Variants in ACOT7 observed in about 807,000 individuals in gnomAD.
ACOT7 encodes cytosolic acyl coenzyme A thioester hydrolase.
Under a neutral mutation model 40.2 loss-of-function variants are expected in ACOT7, and 12 were observed. The observed-to-expected ratio is 0.30, with a 90% CI of 0.19 to 0.48. The LOEUF (loss-of-function observed/expected upper bound fraction) is 0.48. ACOT7 is among the 20% of genes least tolerant of loss of function. ACOT7 has a pLI of 0.99. For synonymous variants in ACOT7, 228 were observed against 219.5 expected (o/e 1.04, Z -0.34); for missense variants, 395 against 530.8 (o/e 0.74, Z 2.51).
rs569012434 is a variant in ACOT7, at chr1:6,354,489, T to C, written c.144-4623A>G. Among the ~76,000 whole-genome samples the C allele has an allele frequency of 2.0e-4, 31 of 152,358 alleles. 1 individual carries two copies. Among genetic ancestry groups the C allele is most frequent in the Admixed American group, 1.4e-3 (21 of 15,308 alleles). On this transcript the variant is annotated intron_variant, in intron 1 of 8. Transcript: ENST00000361521. ...TCCTGAGACAGGGACGCAGCTGTCA[T>C]GCAGGGCCTCAGGGCTGAGACAAAG...
At chr1:6,389,489 C>T (rs1642498639) in intron 1 of ACOT7, among the ~76,000 whole-genome samples, 1 of 152,062 alleles carries the variant, frequency 6.6e-6, no homozygotes, top group Non-Finnish European at 1.5e-5. Context: ...AATTTCTCTA[C>T]ATATTGCACT....
chr1:6,382,391 G>A (rs1382755153), intron 1 of ACOT7, among the ~76,000 whole-genome samples: 2 of 151,922 alleles, frequency 1.3e-5, no homozygotes, highest in Admixed American at 6.6e-5. Flanking sequence ...GCGACAGAGC[G>A]AGACTCTGTC....
intron 1 of ACOT7, among the ~76,000 whole-genome samples, chr1:6,370,144 C>T (rs999653077): frequency 1.3e-5 from 2 of 152,128 alleles, no homozygotes; most frequent in African/African-American, 4.8e-5. Flanking sequence ...TTAAAAGGAG[C>T]CTGGCACCTC....
intron 8 of ACOT7, among the ~76,000 whole-genome samples, chr1:6,276,993 C>A (rs879723631): frequency 1.2e-4 from 18 of 152,162 alleles, no homozygotes; most frequent in African/African-American, 4.1e-4. Flanking sequence ...TCTGACCACC[C>A]CCCCCCAGGG....
In ACOT7 at chr1:6,294,120, G is replaced by A. The variant is rs1353584085; in HGVS notation, c.829+744C>T. ...CTCAGAATCAGCACCAGGCCCTGAC[G>A]ATGCTGACACCACCCTCGGTCTGTG... On this transcript the variant is annotated intron_variant, in intron 7 of 8. Coordinates refer to ENST00000361521, the MANE Select transcript of ACOT7 (RefSeq NM_007274.4). This position sits in a 1 kb window ranked among gnomAD's most constrained non-coding sequence, Gnocchi z 4.6. Among the ~76,000 whole-genome samples the A allele has an allele frequency of 2.0e-5, 3 of 152,242 alleles. No individual in the cohort carries two copies. Among genetic ancestry groups the A allele is most frequent in the East Asian group, 1.9e-4 (1 of 5,204 alleles).
At position 6,387,936 on chromosome 1, in the gene ACOT7, T is replaced by G. The variant is rs574456758; in HGVS notation, c.143+5321A>C. On this transcript the variant is annotated intron_variant, in intron 1 of 8. Transcript: ENST00000361521. ...GGCTTCTGTAAATCAGGTTCTTTGT[T>G]TTTTTTTTTTTCTTTTTTTTTGAGA... Among the ~76,000 whole-genome samples, 6 of 148,416 alleles carry G rather than the reference T, an allele frequency of 4.0e-5. No individual in the cohort carries two copies. In the South Asian group the frequency reaches 6.4e-4, roughly 16 times the overall value.
rs991680133 is a variant in ACOT7, at chr1:6,264,368, C to T, written c.*229G>A. 69 of 518,202 alleles carry T rather than the reference C, an allele frequency of 1.3e-4. No individual in the cohort carries two copies. Among genetic ancestry groups the T allele is most frequent in the Non-Finnish European group, 2.0e-4 (59 of 297,916 alleles). The allele number at this position is 518,202 out of a possible 1,614,324, so 32.1% of individuals were successfully genotyped here. A position where few individuals can be genotyped will look rare whatever the true frequency, so the allele number is the denominator to read the frequency against. On this transcript the variant is annotated 3_prime_UTR_variant, in exon 9 of 9. Transcript: ENST00000361521. ...CCGAGGGTTTCTGCCCAACGCCTCC[C>T]GGCGCTCGGGACAACACTGTGTAGC...
rs2148402391 is a variant in ACOT7 at position 6,301,212 on chromosome 1, A to C, written c.713-6232T>G. 6.6e-6 allele frequency among the ~76,000 whole-genome samples: 1 copy of C among 152,324 alleles called. No homozygotes were observed. Among genetic ancestry groups the C allele is most frequent in the East Asian group, 1.9e-4 (1 of 5,182 alleles). On this transcript the variant is annotated intron_variant, in intron 6 of 8. Coordinates refer to ENST00000361521, the MANE Select transcript of ACOT7 (RefSeq NM_007274.4). This position sits in a 1 kb window ranked among gnomAD's most constrained non-coding sequence, Gnocchi z 4.1. ...TTGGATTTAATGTTCAGAACTTAGG[A>C]AGTGCCTACAATTAACCCCTTGTTC...
At chr1:6,345,050 G>A (rs1413047846) in intron 2 of ACOT7, among the ~76,000 whole-genome samples, 1 of 152,176 alleles carries the variant, frequency 6.6e-6, no homozygotes, top group Admixed American at 6.5e-5. Flanking sequence ...CTGAAGGCCA[G>A]TGTGATCCAA....
intron 7 of ACOT7, among the ~76,000 whole-genome samples, chr1:6,293,245 C>T (rs897256718): frequency 1.5e-4 from 23 of 152,144 alleles, no homozygotes; most frequent in African/African-American, 4.8e-4. Context: ...CAACTGAGCA[C>T]GGCAAGTCCT....
intron 1 of ACOT7, among the ~76,000 whole-genome samples, chr1:6,381,066 T>A (rs1313858800): frequency 6.6e-6 from 1 of 151,854 alleles, no homozygotes; most frequent in African/African-American, 2.4e-5. Flanking sequence ...CATTCATGTA[T>A]CAAAATACCA....
chr1:6,267,889 G>C (rs1217828903), intron 8 of ACOT7, among the ~76,000 whole-genome samples: 1 of 152,282 alleles, frequency 6.6e-6, no homozygotes, highest in African/African-American at 2.4e-5. Context: ...CTCCTCTTTT[G>C]TAAAATGGGC....
intron 2 of ACOT7, among the ~76,000 whole-genome samples, chr1:6,342,626 C>T (rs60650499): frequency 0.068 from 10,405 of 152,252 alleles, 1,054 homozygotes; most frequent in African/African-American, 0.22. Context: ...TGCAACCACA[C>T]CTAACTTTTT....
chr1:6,318,030 C>G (rs1047259469), intron 6 of ACOT7, among the ~76,000 whole-genome samples: 2 of 151,880 alleles, frequency 1.3e-5, no homozygotes, highest in Non-Finnish European at 2.9e-5. Flanking sequence ...TGGCGCCCAG[C>G]CTGCCAGCAT....
intron 1 of ACOT7, among the ~76,000 whole-genome samples, chr1:6,365,072 A>G (rs535536068): frequency 6.6e-6 from 1 of 152,306 alleles, no homozygotes; most frequent in East Asian, 1.9e-4. Context: ...AACCATGTGG[A>G]TGAATCTCCA....
intron 7 of ACOT7, among the ~76,000 whole-genome samples, chr1:6,287,119 G>A (rs976460862): frequency 1.3e-5 from 2 of 152,248 alleles, no homozygotes; most frequent in South Asian, 4.1e-4. Flanking sequence ...TGAGAGCCAG[G>A]AGTTCCGGCA....
At position 6,306,512 on chromosome 1, in the gene ACOT7, C is replaced by A. The variant is rs1440334786; in HGVS notation, c.713-11532G>T. 1.0e-6 allele frequency: 1 copy of A among 985,264 alleles called. No homozygotes were observed. Among genetic ancestry groups the A allele is most frequent in the Non-Finnish European group, 1.2e-6 (1 of 829,928 alleles). The allele number at this position is 985,264 out of a possible 1,614,324, so 61.0% of individuals were successfully genotyped here. ...CCAGTCCCCACGTCCCGCTCCCCCGCTGAAGCATCAGGATGGACGTGAAGC... is the reference window on the plus strand; with the variant it reads ...CCAGTCCCCACGTCCCGCTCCCCCGATGAAGCATCAGGATGGACGTGAAGC... On this transcript the variant is annotated intron_variant, in intron 6 of 8. Transcript: ENST00000361521. The surrounding 1 kb of genome is among the most constrained non-coding windows in gnomAD (Gnocchi z 4.3).
chr1:6,372,626 C>A (rs1642153473), intron 1 of ACOT7, among the ~76,000 whole-genome samples: 1 of 149,608 alleles, frequency 6.7e-6, no homozygotes, highest in Non-Finnish European at 1.5e-5. Context: ...TCTTGACTCA[C>A]TGCAACCTCC....
chr1:6,323,734 AAAAAT>A (rs1327266028), intron 5 of ACOT7, among the ~76,000 whole-genome samples: 322 of 81,460 alleles, frequency 4.0e-3, no homozygotes, highest in South Asian at 5.9e-3. Flanking sequence ...AAAAAAAAAA[AAAAAT>A]ATATATATAT....
Sources: gnomAD v4.1 joint callset for allele counts (sites outside exome capture counted in the v4.1 genomes callset) on GRCh38, gnomAD v4.1.1 for gene constraint, Gnocchi (gnomAD v3.1) non-coding constraint, MANE v1.5 for transcripts, NCBI Gene and HGNC (gene_info 2026-07-23, HGNC 2026-07-21) for gene names.